The following MYO5A variants were observed in gnomAD, a reference collection of about 807,000 sequenced individuals.
The protein encoded by MYO5A is myosin VA.
A neutral mutation model predicts 249.7 loss-of-function variants in MYO5A; 98 were observed. The ratio of observed to expected loss-of-function variants is 0.39; its 90% CI spans 0.33 to 0.46. The LOEUF is 0.46. Among genes scored for constraint, MYO5A ranks in the 20% least tolerant of loss-of-function variants. MYO5A has a pLI of 0.98. For missense variants in MYO5A, 1,696 were observed against 2,308.8 expected (o/e 0.73, Z 5.44); for synonymous variants, 778 against 810.6 (o/e 0.96, Z 0.68).
intron 1 of MYO5A, among the ~76,000 whole-genome samples, chr15:52,439,130 T>C (rs1450986394): frequency 6.6e-6 from 1 of 152,200 alleles, no homozygotes; most frequent in Admixed American, 6.5e-5. Flanking sequence ...CAAGATTCCA[T>C]TCCTTGGAAT....
intron 1 of MYO5A, among the ~76,000 whole-genome samples, chr15:52,522,247 G>C (rs529838622): frequency 2.0e-5 from 3 of 152,202 alleles, no homozygotes; most frequent in African/African-American, 7.2e-5. Context: ...GAAATGTTCT[G>C]CATCTTGTTT....
intron 1 of MYO5A, among the ~76,000 whole-genome samples, chr15:52,446,851 C>A (rs1257788761): frequency 1.3e-5 from 2 of 152,116 alleles, no homozygotes; most frequent in Non-Finnish European, 2.9e-5. Flanking sequence ...TGTCTGTAGC[C>A]CCTTTCTTTT....
intron 9 of MYO5A, among the ~76,000 whole-genome samples, chr15:52,402,537 AC>A (rs1473557909): frequency 2.0e-5 from 3 of 152,124 alleles, no homozygotes; most frequent in Non-Finnish European, 4.4e-5. Flanking sequence ...GAGATGTCTT[AC>A]CAGTAACTTT....
Position 52,397,483 on chromosome 15 carries a change from A to G in MYO5A, c.1054-17T>C. The G allele has an allele frequency of 6.2e-7, 1 of 1,612,720 alleles. No homozygotes were observed. The highest frequency in any genetic ancestry group is 8.5e-7 in the Non-Finnish European group (1 of 1,178,852). On this transcript the variant is annotated splice_polypyrimidine_tract_variant and intron_variant, in intron 9 of 41. Transcript: ENST00000399233. ...ATGCTTGGGCTGCCAAAAGATAATGAGTTATTTCCTATGACCAGATAAATC... is the reference window on the plus strand; with the variant it reads ...ATGCTTGGGCTGCCAAAAGATAATGGGTTATTTCCTATGACCAGATAAATC...
At chr15:52,457,970 GA>G (rs2076154205) in intron 1 of MYO5A, among the ~76,000 whole-genome samples, 1 of 152,168 alleles carries the variant, frequency 6.6e-6, no homozygotes, top group Non-Finnish European at 1.5e-5. Flanking sequence ...GATGAAACTG[GA>G]GGTCATTAAG....
chr15:52,318,905 G>C (rs569126642), intron 39 of MYO5A, among the ~76,000 whole-genome samples, 155 bp downstream of exon 39: 2 of 152,346 alleles, frequency 1.3e-5, no homozygotes, highest in African/African-American at 4.8e-5. Flanking sequence ...CCAGGCAAGG[G>C]AAAGTGGCTC....
At chr15:52,321,160 T>C (rs1034240786) in intron 38 of MYO5A, among the ~76,000 whole-genome samples, 199 bp downstream of exon 38, 10 of 152,278 alleles carry the variant, frequency 6.6e-5, no homozygotes, top group Non-Finnish European at 1.5e-4. Context: ...GTTTCAGTCT[T>C]GTGGAAACAG....
chr15:52,353,121 T>C (rs1054134653), intron 27 of MYO5A, among the ~76,000 whole-genome samples: 30 of 152,190 alleles, frequency 2.0e-4, no homozygotes, highest in Non-Finnish European at 3.2e-4. Flanking sequence ...GCCTGAAAAT[T>C]TGCACTTCCA....
chr15:52,385,183 A>G (rs1429764209), intron 14 of MYO5A, among the ~76,000 whole-genome samples: 2 of 152,236 alleles, frequency 1.3e-5, no homozygotes, highest in African/African-American at 4.8e-5. Flanking sequence ...CAACAGTGCC[A>G]CATCCCATAT....
At chr15:52,357,763 C>T (rs760868784) in intron 25 of MYO5A, among the ~76,000 whole-genome samples, 3 of 152,144 alleles carry the variant, frequency 2.0e-5, no homozygotes, top group Non-Finnish European at 4.4e-5. Flanking sequence ...GAAGATTGGG[C>T]CATCTGTCAC....
chr15:52,361,520 G>C (rs908154020), intron 24 of MYO5A, among the ~76,000 whole-genome samples: 1 of 152,142 alleles, frequency 6.6e-6, no homozygotes, highest in Non-Finnish European at 1.5e-5. Flanking sequence ...GATCTGAAAC[G>C]AGAGAGAGTT....
chr15:52,464,973 C>T (rs542290668), intron 1 of MYO5A, among the ~76,000 whole-genome samples: 91 of 152,238 alleles, frequency 6.0e-4, no homozygotes, highest in African/African-American at 2.0e-3. Context: ...CCATATTAGG[C>T]AAATAGAGAC....
At position 52,431,231 on chromosome 15, in the gene MYO5A, C is replaced by CAAAAAAAAA. The variant is rs1333488857; in HGVS notation, c.138+1935_138+1943dup. Among the ~76,000 whole-genome samples, 5 of 45,846 alleles carry CAAAAAAAAA rather than the reference C, an allele frequency of 1.1e-4. 2 individuals are homozygous for CAAAAAAAAA. Among genetic ancestry groups the CAAAAAAAAA allele is most frequent in the Non-Finnish European group, 1.5e-4 (4 of 27,200 alleles). 30.1% of individuals were successfully genotyped at this position (45,846 alleles called of 152,430 possible). A position where few individuals can be genotyped will look rare whatever the true frequency, so the allele number is the denominator to read the frequency against. ...TGGGTGACAGAGCAAAATTCCGTCT[C>CAAAAAAAAA]AAAAAAAAAAAAAAAGTCTAGTGCA... On this transcript the variant is annotated intron_variant, in intron 2 of 41. Transcript: ENST00000399233.
intron 34 of MYO5A, among the ~76,000 whole-genome samples, chr15:52,333,636 T>C (rs2038987298): frequency 2.0e-5 from 3 of 152,216 alleles, no homozygotes; most frequent in Non-Finnish European, 4.4e-5. Flanking sequence ...AGATCAAATT[T>C]TGAAACACTC....
chr15:52,376,305 G>C (rs180676183), intron 19 of MYO5A, 42 bp downstream of exon 19: 1 of 1,590,628 alleles, frequency 6.3e-7, no homozygotes, highest in Admixed American at 1.7e-5. Flanking sequence ...TGGTTGGACA[G>C]TGAATTAGAT....
At chr15:52,372,930 A>G (rs2041204449) in intron 20 of MYO5A, among the ~76,000 whole-genome samples, 1 of 151,782 alleles carries the variant, frequency 6.6e-6, no homozygotes. Flanking sequence ...CACTTGGGGT[A>G]CTAAAAAGTT....
At chr15:52,387,111 T>C (rs1244263190) in intron 14 of MYO5A, among the ~76,000 whole-genome samples, 1 of 152,210 alleles carries the variant, frequency 6.6e-6, no homozygotes, top group African/African-American at 2.4e-5. Flanking sequence ...GAAACTGGCT[T>C]CCTGCTCTGC....
intron 20 of MYO5A, among the ~76,000 whole-genome samples, chr15:52,373,071 G>A (rs1052885709): frequency 1.3e-5 from 2 of 151,764 alleles, no homozygotes; most frequent in African/African-American, 4.8e-5. Context: ...TCCACTTTTG[G>A]GATTCAAAGG....
Position 52,354,022 on chromosome 15 carries a change from C to T in MYO5A, c.3424-8G>A. On this transcript the variant is annotated splice_polypyrimidine_tract_variant and splice_region_variant and intron_variant, in intron 25 of 41. Transcript: ENST00000399233. ...CTTCTTCTCACTTGGTTCCTAAACC[C>T]CAGGAATCACAAAGATGGTCAAGAC... The T allele has an allele frequency of 6.2e-6, 10 of 1,614,074 alleles. No homozygotes were observed. In the Middle Eastern group the frequency reaches 1.3e-3, roughly 213 times the overall value.
Sources: gnomAD v4.1 joint callset for allele counts (sites outside exome capture counted in the v4.1 genomes callset) on GRCh38, gnomAD v4.1.1 for gene constraint, MANE v1.5 for transcripts, NCBI Gene and HGNC (gene_info 2026-07-23, HGNC 2026-07-21) for gene names.